The following STRIP2 variants were observed in gnomAD, a reference collection of about 807,000 sequenced individuals.
The protein encoded by STRIP2 is striatin-interacting protein 2.
In STRIP2, 84 loss-of-function variants were observed where a neutral mutation model predicts 107.1. The observed-to-expected ratio is 0.78, with a 90% CI of 0.66 to 0.94. STRIP2 has a LOEUF of 0.94. STRIP2 is among the 40% of genes least tolerant of loss of function. STRIP2 has a pLI of 0.00. For synonymous variants in STRIP2, 394 were observed against 400.4 expected (o/e 0.98, Z 0.19); for missense variants, 888 against 1,034.2 (o/e 0.86, Z 1.94).
chr7:129,475,612 AG>A (rs1435983544), intron 18 of STRIP2, among the ~76,000 whole-genome samples: 7 of 132,448 alleles, frequency 5.3e-5, no homozygotes, highest in Non-Finnish European at 6.2e-5. Flanking sequence ...TTTCTCGCAT[AG>A]GGGGATTTGG....
intron 2 of STRIP2, among the ~76,000 whole-genome samples, chr7:129,441,861 C>T (rs200231190): frequency 6.6e-6 from 1 of 152,234 alleles, no homozygotes; most frequent in East Asian, 1.9e-4. Context: ...AGTGATCCTC[C>T]TGCCTTGGCC....
intron 16 of STRIP2, 138 bp from the exon 17 acceptor site, chr7:129,467,212 C>A: frequency 3.1e-6 from 2 of 653,304 alleles, no homozygotes; most frequent in South Asian, 2.0e-5. Flanking sequence ...ATTTCCCAGA[C>A]AGGAAGACTG....
chr7:129,454,240 A>C (rs867527597), intron 6 of STRIP2, 30 bp downstream of exon 6: 1 of 1,608,840 alleles, frequency 6.2e-7, no homozygotes, highest in Non-Finnish European at 8.5e-7. Context: ...GGCTTGGAAC[A>C]GGGCAGATGA....
In STRIP2 at chr7:129,464,141, C is replaced by T. The variant is rs183244351; in HGVS notation, c.1649C>T (p.Pro550Leu). ...GCAGATGTCCTACCTGAGGAGATGC[C>T]GTGAGTGCTTCAACGGGGGCAGCTG... ...ILADVLPEEM[P>L]ITVLQSMKLG... The change falls in exon 15 of 21, where the codon CCC becomes CTC. Residue 550 changes from proline to leucine, a missense_variant and splice_region_variant. Coordinates refer to ENST00000249344, the MANE Select transcript of STRIP2 (RefSeq NM_020704.3). 7 of 1,609,414 alleles carry T rather than the reference C, an allele frequency of 4.3e-6. No individual in the cohort carries two copies. The East Asian group carries it at 6.7e-5, about 15-fold the overall frequency.
At chr7:129,485,483 G>A in intron 20 of STRIP2, 96 bp from the exon 21 acceptor site, 2 of 1,314,770 alleles carry the variant, frequency 1.5e-6, no homozygotes, top group South Asian at 1.5e-5. Flanking sequence ...GAATTTCTGA[G>A]CAGTTCCATT....
chr7:129,484,711 C>A (rs4731580), intron 20 of STRIP2: 47,073 of 152,040 alleles, frequency 0.31, 8,512 homozygotes, highest in East Asian at 0.6. Context: ...CATAACAAGC[C>A]AGGATGCAAC....
chr7:129,485,467 AAAAAAG>A, intron 20 of STRIP2, 106 bp from the exon 21 acceptor site: 5 of 1,265,332 alleles, frequency 4.0e-6, no homozygotes, highest in Non-Finnish European at 3.2e-6. Flanking sequence ...AAAAAAAAAA[AAAAAAG>A]AATTTCTGAG....
chr7:129,460,058 T>G (rs1239367488), intron 12 of STRIP2, among the ~76,000 whole-genome samples: 3 of 152,224 alleles, frequency 2.0e-5, no homozygotes, highest in Admixed American at 2.0e-4. Flanking sequence ...AATGCTTAGG[T>G]ATTTGCTGCT....
chr7:129,483,414 C>T lies in STRIP2; in HGVS notation c.2254+368C>T. ...AAAATACAAGTAAACAAACATTTTA[C>T]TATATTATATTTATGCCATATTTGT... On this transcript the variant is annotated intron_variant, in intron 20 of 20. Coordinates refer to ENST00000249344, the MANE Select transcript of STRIP2 (RefSeq NM_020704.3). This position sits in a 1 kb window ranked among gnomAD's most constrained non-coding sequence, Gnocchi z 5.1. The T allele has an allele frequency of 1.4e-5, 11 of 771,228 alleles. No individual in the cohort carries two copies. Among genetic ancestry groups the T allele is most frequent in the Non-Finnish European group, 1.8e-5 (11 of 618,368 alleles). The allele number at this position is 771,228 out of a possible 1,614,324, so 47.8% of individuals were successfully genotyped here.
chr7:129,484,842 C>T (rs571702421), intron 20 of STRIP2, among the ~76,000 whole-genome samples: 2 of 152,310 alleles, frequency 1.3e-5, no homozygotes, highest in African/African-American at 4.8e-5. Context: ...CCCAAACTCA[C>T]ACTACACTTC....
chr7:129,474,116 C>G (rs2151013911), intron 18 of STRIP2, among the ~76,000 whole-genome samples: 1 of 152,216 alleles, frequency 6.6e-6, no homozygotes, highest in South Asian at 2.1e-4. Flanking sequence ...TTGTGTAACT[C>G]CAAAACAAAC....
At position 129,464,713 on chromosome 7, in the gene STRIP2, A is replaced by G. The variant is rs1798629672; in HGVS notation, c.1751A>G (p.His584Arg). The change falls in exon 16 of 21, where the codon CAC (histidine) becomes CGC (arginine). Residue 584 changes from histidine to arginine, a missense_variant. By Grantham distance (29) the His-to-Arg change is conservative (BLOSUM62 0). Coordinates refer to ENST00000249344, the MANE Select transcript of STRIP2 (RefSeq NM_020704.3). Reference sequence around the variant, plus strand: ...ACCCTGCTTCTGCTACTCCTCAAACACTTCAAACTCAACCATATCTACCAG... The same window carrying G: ...ACCCTGCTTCTGCTACTCCTCAAACGCTTCAAACTCAACCATATCTACCAG... ...ISTLLLLLLK[H>R]FKLNHIYQFE... 3 of 1,613,956 alleles carry G rather than the reference A, an allele frequency of 1.9e-6. No homozygotes were observed. The highest frequency in any genetic ancestry group is 1.7e-5 in the Admixed American group (1 of 60,008).
At chr7:129,464,193 G>C (rs1438742107) in intron 15 of STRIP2, 52 bp downstream of exon 15, 1 of 1,328,506 alleles carries the variant, frequency 7.5e-7, no homozygotes, top group African/African-American at 1.4e-5. Flanking sequence ...TTATCTGCAG[G>C]CTCTCTCTAG....
At chr7:129,460,169 G>C in intron 12 of STRIP2, 132 bp from the exon 13 acceptor site, 1 of 675,442 alleles carries the variant, frequency 1.5e-6, no homozygotes, top group Non-Finnish European at 2.5e-6. Flanking sequence ...TTCCTTGAAA[G>C]AGTTCATGTC....
chr7:129,436,706 A>G (rs1286726627), intron 1 of STRIP2, among the ~76,000 whole-genome samples: 2 of 152,102 alleles, frequency 1.3e-5, no homozygotes, highest in Non-Finnish European at 2.9e-5. Context: ...CAGTCCTTAG[A>G]GGAGATGGGA....
chr7:129,485,498 G>C, intron 20 of STRIP2, 81 bp from the exon 21 acceptor site: 5 of 1,454,788 alleles, frequency 3.4e-6, no homozygotes, highest in Non-Finnish European at 4.6e-6. Flanking sequence ...TCCATTTTTG[G>C]AATCCCATAG....
intron 3 of STRIP2, among the ~76,000 whole-genome samples, chr7:129,445,226 C>G (rs1318609899): frequency 1.3e-5 from 2 of 152,150 alleles, no homozygotes; most frequent in African/African-American, 4.8e-5. Flanking sequence ...CATGCATACT[C>G]TTCCTTACCT....
chr7:129,436,587 TCTG>T (rs1797745636), intron 1 of STRIP2, among the ~76,000 whole-genome samples: 1 of 152,218 alleles, frequency 6.6e-6, no homozygotes, highest in East Asian at 1.9e-4. Flanking sequence ...TCCTCTACCT[TCTG>T]CTGCAGCAGG....
At chr7:129,440,445 T>G (rs1212895273) in intron 2 of STRIP2, among the ~76,000 whole-genome samples, 1 of 152,182 alleles carries the variant, frequency 6.6e-6, no homozygotes, top group Non-Finnish European at 1.5e-5. Context: ...CCCATATCTT[T>G]GCCTGCCTAC....
Sources: gnomAD v4.1 joint callset for allele counts (sites outside exome capture counted in the v4.1 genomes callset) on GRCh38, gnomAD v4.1.1 for gene constraint, Gnocchi (gnomAD v3.1) non-coding constraint, MANE v1.5 for transcripts, NCBI Gene and HGNC (gene_info 2026-07-23, HGNC 2026-07-21) for gene names.